The following LGR5 variants were observed in gnomAD, a reference collection of about 807,000 sequenced individuals.
LGR5 encodes leucine-rich repeat-containing G protein-coupled receptor 5.
Under a neutral mutation model 76.7 loss-of-function variants are expected in LGR5, and 54 were observed. That is an observed-to-expected ratio of 0.70 (90% CI 0.57 to 0.88). The LOEUF (loss-of-function observed/expected upper bound fraction) is 0.88, where lower values mean the gene tolerates loss of function less well. Among genes scored for constraint, LGR5 ranks in the 40% least tolerant of loss-of-function variants. The probability of loss-of-function intolerance (pLI) is 0.00; values close to 1 mark genes in which losing one functional copy is unlikely to be tolerated. For missense variants in LGR5, 1,078 were observed against 1,073.3 expected (o/e 1.00, Z -0.06); for synonymous variants, 406 against 421.9 (o/e 0.96, Z 0.46).
chr12:71,573,938 ATAC>A (rs1878732657), intron 13 of LGR5, among the ~76,000 whole-genome samples: 1 of 151,912 alleles, frequency 6.6e-6, no homozygotes, highest in Non-Finnish European at 1.5e-5. Flanking sequence ...TAAAAGGAAA[ATAC>A]TTTTATTTTC....
At chr12:71,441,171 G>C (rs1455920110) in intron 1 of LGR5, among the ~76,000 whole-genome samples, 1 of 152,066 alleles carries the variant, frequency 6.6e-6, no homozygotes, top group African/African-American at 2.4e-5. Context: ...GCCCTGAGGC[G>C]GCGGCTCATT....
intron 2 of LGR5, among the ~76,000 whole-genome samples, chr12:71,518,292 A>G (rs771364868): frequency 6.6e-6 from 1 of 152,348 alleles, no homozygotes; most frequent in South Asian, 2.1e-4. Flanking sequence ...AATCAAAACC[A>G]CAATGAGATA....
chr12:71,556,156 G>A (rs549237501), intron 5 of LGR5, among the ~76,000 whole-genome samples: 54 of 152,136 alleles, frequency 3.5e-4, no homozygotes, highest in Admixed American at 3.3e-4. Context: ...AACAACACAC[G>A]CTGGGGCCTC....
chr12:71,520,389 G>A (rs954017479), intron 2 of LGR5, among the ~76,000 whole-genome samples: 1 of 152,124 alleles, frequency 6.6e-6, no homozygotes, highest in African/African-American at 2.4e-5. Context: ...AATTACCAGG[G>A]GCTGGAAATA....
In LGR5 at chr12:71,583,832, G is replaced by C; in HGVS notation, c.1822G>C (p.Val608Leu). The C allele has an allele frequency of 6.2e-7, 1 of 1,614,180 alleles. No homozygotes were observed. Among genetic ancestry groups the C allele is most frequent in the Non-Finnish European group, 8.5e-7 (1 of 1,180,024 alleles). ...VIAAVNMLTG[V>L]SSAVLAGVDA... ...CGCAGCAGTGAACATGCTCACGGGA[G>C]TCTCCAGTGCCGTGCTGGCTGGTGT... The change falls in exon 18 of 18, where the codon GTC becomes CTC. Residue 608 changes from valine to leucine, a missense_variant. By Grantham distance (32) the Val-to-Leu change is conservative. Coordinates refer to ENST00000266674, the MANE Select transcript of LGR5 (RefSeq NM_003667.4).
chr12:71,571,700 T>C, intron 12 of LGR5, 121 bp downstream of exon 12: 1 of 693,104 alleles, frequency 1.4e-6, no homozygotes, highest in Non-Finnish European at 2.5e-6. Context: ...TTTTCCTTCT[T>C]ACACACACAA....
intron 8 of LGR5, among the ~76,000 whole-genome samples, chr12:71,563,730 T>A (rs1229677147): frequency 6.6e-6 from 1 of 152,168 alleles, no homozygotes; most frequent in Admixed American, 6.6e-5. Context: ...TTTCTTGAAG[T>A]TTTTTATAAT....
intron 2 of LGR5, among the ~76,000 whole-genome samples, chr12:71,522,838 A>G (rs1246026056): frequency 6.6e-6 from 1 of 152,190 alleles, no homozygotes; most frequent in Non-Finnish European, 1.5e-5. Flanking sequence ...ACCCAAGAAG[A>G]CATTTTATCT....
intron 1 of LGR5, among the ~76,000 whole-genome samples, chr12:71,473,652 A>T (rs1016400094): frequency 6.6e-6 from 1 of 151,306 alleles, no homozygotes; most frequent in African/African-American, 2.4e-5. Flanking sequence ...TAAATATAAA[A>T]ATTTAGAATT....
intron 8 of LGR5, among the ~76,000 whole-genome samples, chr12:71,565,422 C>CCATATATATATATATATATA (rs1878291119): frequency 7.2e-5 from 1 of 13,966 alleles, no homozygotes; most frequent in African/African-American, 9.2e-5. Context: ...ATCAATTGAG[C>CCATATATATATATATATATA]TATATATATA....
At chr12:71,519,907 A>G (rs1875645393) in intron 2 of LGR5, among the ~76,000 whole-genome samples, 1 of 151,880 alleles carries the variant, frequency 6.6e-6, no homozygotes, top group Non-Finnish European at 1.5e-5. Flanking sequence ...CTCAATAAAT[A>G]CCATGGGATA....
chr12:71,501,859 G>A (rs1874622015), intron 1 of LGR5, among the ~76,000 whole-genome samples: 1 of 152,122 alleles, frequency 6.6e-6, no homozygotes, highest in South Asian at 2.1e-4. Flanking sequence ...CACTGAGCTG[G>A]AGAACCATAA....
chr12:71,560,558 G>A (rs530973195), intron 7 of LGR5, among the ~76,000 whole-genome samples: 20 of 152,148 alleles, frequency 1.3e-4, no homozygotes, highest in Non-Finnish European at 2.6e-4. Flanking sequence ...TTGGGAGGCC[G>A]AGGCAGGCAG....
intron 1 of LGR5, among the ~76,000 whole-genome samples, chr12:71,479,514 A>T (rs1873490487): frequency 6.6e-6 from 1 of 152,192 alleles, no homozygotes; most frequent in South Asian, 2.1e-4. Flanking sequence ...GTAAGTAATG[A>T]AAGATGTGAC....
chr12:71,458,104 T>TA (rs1212290919), intron 1 of LGR5, among the ~76,000 whole-genome samples: 4 of 152,134 alleles, frequency 2.6e-5, no homozygotes, highest in East Asian at 3.9e-4. Flanking sequence ...TTTTGTTTCT[T>TA]AAAAAAAATC....
Position 71,553,199 on chromosome 12 carries a change from A to G in LGR5, c.555A>G (p.Leu185=), listed in dbSNP as rs1308863884. ...TEIPVQAFRS[L]SALQAMTLAL... ...TCCCCGTCCAGGCTTTTAGAAGTTTATCGGCATTGCAAGCCATGACCTTGG... is the reference window on the plus strand; with the variant it reads ...TCCCCGTCCAGGCTTTTAGAAGTTTGTCGGCATTGCAAGCCATGACCTTGG... The change falls in exon 5 of 18, where the codon TTA becomes TTG. Residue 185 remains leucine, a synonymous_variant. Transcript: ENST00000266674. 2 of 1,613,938 alleles carry G rather than the reference A, an allele frequency of 1.2e-6. No homozygotes were observed. Among genetic ancestry groups the G allele is most frequent in the Admixed American group, 1.7e-5 (1 of 59,994 alleles).
Position 71,572,894 on chromosome 12 carries a change from T to C in LGR5, c.1181T>C (p.Phe394Ser), listed in dbSNP as rs1878677764. The change falls in exon 13 of 18, where the codon TTC (phenylalanine) becomes TCC (serine). Residue 394 changes from phenylalanine (F) to serine (S), a missense_variant. Transcript: ENST00000266674. ...NEIYEIKVDT[F>S]QQLLSLRSLN... is the part of the protein sequence containing the mutation. ...ATCTACGAAATTAAAGTTGACACTT[T>C]CCAGCAGTTGCTTAGCCTCCGATCG... is the stretch of plus-strand genomic sequence containing the variant. The C allele has an allele frequency of 6.2e-7, 1 of 1,613,890 alleles. No homozygotes were observed. The highest frequency in any genetic ancestry group is 1.7e-5 in the Admixed American group (1 of 60,018).
At position 71,583,813 on chromosome 12, in the gene LGR5, A is replaced by G. The variant is rs370049449; in HGVS notation, c.1803A>G (p.Ala601=). 7 of 1,614,194 alleles carry G rather than the reference A, an allele frequency of 4.3e-6. No homozygotes were observed. Among genetic ancestry groups the G allele is most frequent in the Non-Finnish European group, 4.2e-6 (5 of 1,180,036 alleles). ...PIKLLIGVIA[A]VNMLTGVSSA... is the part of the protein sequence containing the mutation. ...AACTGTTAATTGGGGTCATCGCAGCAGTGAACATGCTCACGGGAGTCTCCA... is the reference window on the plus strand; with the variant it reads ...AACTGTTAATTGGGGTCATCGCAGCGGTGAACATGCTCACGGGAGTCTCCA... Residue 601 remains alanine, a synonymous_variant, in exon 18 of 18, where the codon GCA becomes GCG. Coordinates refer to ENST00000266674, the MANE Select transcript of LGR5 (RefSeq NM_003667.4).
At chr12:71,552,846 A>C (rs1224919232) in intron 4 of LGR5, among the ~76,000 whole-genome samples, 1 of 152,152 alleles carries the variant, frequency 6.6e-6, no homozygotes, top group South Asian at 2.1e-4. Context: ...GAAGAGAATT[A>C]TAGCACCATG....
Sources: allele counts gnomAD v4.1 joint callset (sites outside exome capture counted in the v4.1 genomes callset), GRCh38; gene constraint gnomAD v4.1.1; transcripts MANE v1.5; gene names NCBI Gene and HGNC (gene_info 2026-07-23, HGNC 2026-07-21).